Variants in TNFRSF13B observed in about 807,000 individuals in gnomAD.
The protein encoded by TNFRSF13B is tumor necrosis factor receptor superfamily member 13B.
Under a neutral mutation model 24.0 loss-of-function variants are expected in TNFRSF13B, and 34 were observed. The ratio of observed to expected loss-of-function variants is 1.41; its 90% CI spans 1.08 to 1.88. The LOEUF is 1.88. Ranked by LOEUF, TNFRSF13B falls within the 40% of genes most tolerant of loss-of-function variation. The probability of loss-of-function intolerance (pLI) is 0.00; values close to 1 mark genes in which losing one functional copy is unlikely to be tolerated. For synonymous variants in TNFRSF13B, 173 were observed against 150.3 expected (o/e 1.15, Z -1.10); for missense variants, 415 against 380.8 (o/e 1.09, Z -0.75).
At chr17:16,941,227 T>A (rs1356397355) in intron 3 of TNFRSF13B, 1 of 987,742 alleles carries the variant, frequency 1.0e-6, no homozygotes. Context: ...TCCACAGACA[T>A]GGGTCGCACG....
At chr17:16,961,120 G>A (rs1885702494) in intron 1 of TNFRSF13B, among the ~76,000 whole-genome samples, 1 of 152,228 alleles carries the variant, frequency 6.6e-6, no homozygotes, top group African/African-American at 2.4e-5. Flanking sequence ...GAGATCTGAA[G>A]CAAGTGGATG....
At chr17:16,971,428 GA>G (rs140902093) in intron 1 of TNFRSF13B, among the ~76,000 whole-genome samples, 5,812 of 151,928 alleles carry the variant, frequency 0.038, 305 homozygotes, top group African/African-American at 0.097. Flanking sequence ...ATATATAACA[GA>G]AAAAATGGGT....
At chr17:16,955,069 C>T (rs1156349556) in intron 1 of TNFRSF13B, among the ~76,000 whole-genome samples, 5 of 152,176 alleles carry the variant, frequency 3.3e-5, no homozygotes, top group Non-Finnish European at 4.4e-5. Context: ...GCACTGACAG[C>T]GGGAGATTCT....
At chr17:16,969,885 G>GT (rs1325299284) in intron 1 of TNFRSF13B, among the ~76,000 whole-genome samples, 3 of 152,140 alleles carry the variant, frequency 2.0e-5, no homozygotes, top group Non-Finnish European at 4.4e-5. Flanking sequence ...CCACTTTTGG[G>GT]TTGGGGAGCA....
chr17:16,945,671 C>A lies in TNFRSF13B; in HGVS notation c.445+3067G>T, dbSNP rs911968609. 2.6e-5 allele frequency among the ~76,000 whole-genome samples: 4 copies of A among 152,322 alleles called. 1 individual carries two copies. The South Asian group carries it at 8.3e-4, about 32-fold the overall frequency. On this transcript the variant is annotated intron_variant, in intron 3 of 4. Transcript: ENST00000261652. ...CACCAGGGCGGCAGGCATGGCCCCTCGCATCTGTGGCTGGGCTCTTCAGCC... is the reference window on the plus strand; with the variant it reads ...CACCAGGGCGGCAGGCATGGCCCCTAGCATCTGTGGCTGGGCTCTTCAGCC...
At chr17:16,964,577 G>T (rs1385514922) in intron 1 of TNFRSF13B, among the ~76,000 whole-genome samples, 3 of 152,072 alleles carry the variant, frequency 2.0e-5, no homozygotes, top group Admixed American at 6.6e-5. Flanking sequence ...CTGACCTCAG[G>T]TGATCTGCCT....
intron 4 of TNFRSF13B, 25 bp downstream of exon 4, chr17:16,940,301 G>T (rs376288345): frequency 6.2e-7 from 1 of 1,612,132 alleles, no homozygotes; most frequent in African/African-American, 1.3e-5. Context: ...CGAGAAGGGC[G>T]AGGACCCCAG....
At chr17:16,941,182 CTTT>C in intron 3 of TNFRSF13B, 1 of 975,982 alleles carries the variant, frequency 1.0e-6, no homozygotes, top group Non-Finnish European at 1.2e-6. Flanking sequence ...TATCCCCTAT[CTTT>C]TCTGAGTATT....
At chr17:16,968,814 T>A (rs2087723510) in intron 1 of TNFRSF13B, among the ~76,000 whole-genome samples, 2 of 152,196 alleles carry the variant, frequency 1.3e-5, no homozygotes, top group Admixed American at 6.5e-5. Context: ...AAAAGGAGCT[T>A]GTATCCAAAA....
chr17:16,969,367 G>A (rs1189608185), intron 1 of TNFRSF13B, among the ~76,000 whole-genome samples: 1 of 152,170 alleles, frequency 6.6e-6, no homozygotes, highest in Non-Finnish European at 1.5e-5. Flanking sequence ...AATGTTACTT[G>A]GCCACAAAAC....
intron 1 of TNFRSF13B, among the ~76,000 whole-genome samples, chr17:16,953,508 C>G (rs2087604226): frequency 6.6e-6 from 1 of 152,176 alleles, no homozygotes; most frequent in Non-Finnish European, 1.5e-5. Context: ...AATGCCCATG[C>G]CTAGAGGGAG....
intron 1 of TNFRSF13B, among the ~76,000 whole-genome samples, chr17:16,956,413 C>G (rs916144670): frequency 6.7e-6 from 1 of 149,586 alleles, no homozygotes; most frequent in Non-Finnish European, 1.5e-5. Context: ...CAGACTATGA[C>G]AGAAACCATT....
intron 1 of TNFRSF13B, among the ~76,000 whole-genome samples, chr17:16,970,442 A>G (rs1049591983): frequency 6.6e-6 from 1 of 150,738 alleles, no homozygotes; most frequent in Non-Finnish European, 1.5e-5. Flanking sequence ...TGCTGCACCA[A>G]GAAAGAGCTC....
intron 1 of TNFRSF13B, among the ~76,000 whole-genome samples, chr17:16,968,110 C>T (rs2087717811): frequency 1.4e-5 from 2 of 143,446 alleles, no homozygotes; most frequent in Admixed American, 7.1e-5. Context: ...CACTGCACTC[C>T]AGCCTGGGCG....
At chr17:16,967,782 A>G (rs890670645) in intron 1 of TNFRSF13B, among the ~76,000 whole-genome samples, 8 of 140,992 alleles carry the variant, frequency 5.7e-5, no homozygotes, top group African/African-American at 2.3e-4. Context: ...AGAAAGAAAG[A>G]AAAAAAAAAG....
chr17:16,969,500 A>G lies in TNFRSF13B; in HGVS notation c.61+2515T>C, dbSNP rs547062969. ...TTATGGAAAATGTCCAAAACAGGCAAATCTATAGAGACAGAGAGTAGATTA... is the reference window on the plus strand; with the variant it reads ...TTATGGAAAATGTCCAAAACAGGCAGATCTATAGAGACAGAGAGTAGATTA... On this transcript the variant is annotated intron_variant, in intron 1 of 4. Transcript: ENST00000261652. Among the ~76,000 whole-genome samples, 58 of 152,350 alleles carry G rather than the reference A, an allele frequency of 3.8e-4. 1 individual carries two copies. The South Asian group carries it at 8.5e-3, about 22-fold the overall frequency.
intron 1 of TNFRSF13B, among the ~76,000 whole-genome samples, chr17:16,962,337 T>C (rs1354496864): frequency 6.6e-6 from 1 of 152,098 alleles, no homozygotes; most frequent in African/African-American, 2.4e-5. Flanking sequence ...TGAAACCCTG[T>C]CTTCACTGAA....
At chr17:16,965,170 A>C (rs1219082319) in intron 1 of TNFRSF13B, among the ~76,000 whole-genome samples, 2 of 152,080 alleles carry the variant, frequency 1.3e-5, no homozygotes, top group South Asian at 2.1e-4. Flanking sequence ...ACAGTGGTGC[A>C]ATCATAGCTC....
intron 1 of TNFRSF13B, among the ~76,000 whole-genome samples, chr17:16,961,720 A>G (rs558853843): frequency 6.6e-6 from 1 of 152,220 alleles, no homozygotes; most frequent in Non-Finnish European, 1.5e-5. Flanking sequence ...TAAAAGTTTC[A>G]TTATATATAT....
Sources: gnomAD v4.1 joint callset for allele counts (sites outside exome capture counted in the v4.1 genomes callset) on GRCh38, gnomAD v4.1.1 for gene constraint, MANE v1.5 for transcripts, NCBI Gene and HGNC (gene_info 2026-07-23, HGNC 2026-07-21) for gene names.